SPATA13: variants seen among roughly 807,000 people sequenced by gnomAD.
SPATA13 encodes the protein spermatogenesis associated 13.
A neutral mutation model predicts 104.0 loss-of-function variants in SPATA13; 50 were observed. That is an observed-to-expected ratio of 0.48 (90% confidence interval 0.38 to 0.61). The LOEUF is 0.61. Ranked by LOEUF, SPATA13 falls within the 20% of genes least tolerant of loss-of-function variation. SPATA13 has a pLI of 0.00. For synonymous variants in SPATA13, 606 were observed against 667.5 expected, an observed-to-expected ratio of 0.91 and a Z score of 1.42; for missense variants, 1,524 against 1,690.6, an observed-to-expected ratio of 0.90 and a Z score of 1.73.
At chr13:24,263,474 T>C (rs1043345275) in intron 4 of SPATA13, among the ~76,000 whole-genome samples, 1 of 152,170 alleles carries the variant, frequency 6.6e-6, no homozygotes, top group Non-Finnish European at 1.5e-5. Context: ...CTGAGGGGGA[T>C]TGGTTCCAGG....
At position 24,277,313 on chromosome 13, in the gene SPATA13, G is replaced by A. The variant is rs544310847; in HGVS notation, c.2165-6822G>A. Among the ~76,000 whole-genome samples, 743 of 151,988 alleles carry A rather than the reference G, an allele frequency of 4.9e-3. 12 individuals are homozygous for A. The highest frequency in any genetic ancestry group is 0.017 in the African/African-American group (711 of 41,436). On this transcript the variant is annotated intron_variant, in intron 4 of 12. Coordinates refer to ENST00000382108, the MANE Select transcript of SPATA13 (RefSeq NM_001166271.3). ...CAAAAAATTAGCTGGGTGTGGTGGC[G>A]GGCGCCTGTAGTCCCAGCTACTCGG...
At chr13:24,221,122 G>A (rs1262013042) in intron 1 of SPATA13, among the ~76,000 whole-genome samples, 1 of 152,216 alleles carries the variant, frequency 6.6e-6, no homozygotes, top group Non-Finnish European at 1.5e-5. Context: ...GATGCCCATT[G>A]TGCTTCTCTG....
In SPATA13 at chr13:24,292,185, G is replaced by A. The variant is rs142552809; in HGVS notation, c.3080+1301G>A. Among the ~76,000 whole-genome samples the A allele has an allele frequency of 2.4e-4, 37 of 152,198 alleles. 1 individual carries two copies. The highest frequency in any genetic ancestry group is 4.4e-4 in the Non-Finnish European group (30 of 68,024). ...TTCCTTAATAGCCAACCATCATTTC[G>A]TGCATGCACAGAAGCCTTTGTGTGG... On this transcript the variant is annotated intron_variant, in intron 9 of 12. Coordinates refer to ENST00000382108, the MANE Select transcript of SPATA13 (RefSeq NM_001166271.3).
At chr13:24,036,660 C>T (rs565020634) in intron 3 of SPATA13, among the ~76,000 whole-genome samples, 2 of 152,268 alleles carry the variant, frequency 1.3e-5, no homozygotes, top group South Asian at 4.2e-4. Context: ...TTGTCTAAAA[C>T]TTCGCAATTC....
chr13:24,000,552 G>A (rs1413722034), intron 2 of SPATA13, among the ~76,000 whole-genome samples: 2 of 152,086 alleles, frequency 1.3e-5, no homozygotes, highest in African/African-American at 2.4e-5. Context: ...CCAAGCACAC[G>A]GCAACAACAT....
chr13:24,058,283 A>G (rs1243471540), intron 3 of SPATA13, among the ~76,000 whole-genome samples: 2 of 151,896 alleles, frequency 1.3e-5, no homozygotes, highest in Non-Finnish European at 2.9e-5. Context: ...GTATCAGATT[A>G]GATTAACAAT....
At chr13:24,238,640 C>T (rs1262212272) in intron 2 of SPATA13, among the ~76,000 whole-genome samples, 1 of 152,146 alleles carries the variant, frequency 6.6e-6, no homozygotes. Context: ...TAGGTCAGTG[C>T]CACAGGTAGG....
intron 1 of SPATA13, among the ~76,000 whole-genome samples, chr13:24,222,239 C>T (rs192794491): frequency 3.3e-5 from 5 of 152,198 alleles, no homozygotes; most frequent in African/African-American, 4.8e-5. Flanking sequence ...GAGTCCTTCC[C>T]GCCTGTGTCT....
At chr13:24,066,657 G>A (rs561618296) in intron 3 of SPATA13, among the ~76,000 whole-genome samples, 1 of 152,242 alleles carries the variant, frequency 6.6e-6, no homozygotes, top group Non-Finnish European at 1.5e-5. Context: ...GCCTTCATGG[G>A]CCAGGAGGGG....
intron 2 of SPATA13, among the ~76,000 whole-genome samples, chr13:23,986,509 C>G (rs1295207704): frequency 6.6e-6 from 1 of 152,168 alleles, no homozygotes; most frequent in Non-Finnish European, 1.5e-5. Context: ...TCTAAGAATC[C>G]CAAATGCCTC....
At chr13:24,224,637 T>C in intron 2 of SPATA13, 55 bp downstream of exon 2, 2 of 1,524,302 alleles carry the variant, frequency 1.3e-6, no homozygotes, top group Non-Finnish European at 1.8e-6. Flanking sequence ...GGAAGGGAGC[T>C]TGCACAGGTG....
chr13:24,275,968 A>T (rs59428885), intron 4 of SPATA13, among the ~76,000 whole-genome samples: 17,548 of 152,098 alleles, frequency 0.12, 1,799 homozygotes, highest in African/African-American at 0.27. Flanking sequence ...TTTCCACACC[A>T]ATTTTTTCAA....
At chr13:24,203,471 T>A (rs1870537471) in intron 1 of SPATA13, among the ~76,000 whole-genome samples, 1 of 152,200 alleles carries the variant, frequency 6.6e-6, no homozygotes, top group South Asian at 2.1e-4. Flanking sequence ...TTTTTGTGAC[T>A]GAAAGGGGAC....
chr13:24,273,456 AT>A (rs1249270127), intron 4 of SPATA13, among the ~76,000 whole-genome samples: 1 of 152,214 alleles, frequency 6.6e-6, no homozygotes, highest in Non-Finnish European at 1.5e-5. Context: ...TGTTTAAAAG[AT>A]TGAAAAATAC....
rs1201648258 is a variant in SPATA13 at position 24,304,961 on chromosome 13, CT to C, written c.*2192del. On this transcript the variant is annotated 3_prime_UTR_variant, in exon 13 of 13. Transcript: ENST00000382108. The stretch of plus-strand genomic sequence containing the variant: ...TATATGTTGGAAACTACTTAATATG[CT>C]TTTCCTGCACACCTTAGCAATAACT... 1 of 152,220 alleles carries C rather than the reference CT, an allele frequency of 6.6e-6. No homozygotes were observed. Among genetic ancestry groups the C allele is most frequent in the African/African-American group, 2.4e-5 (1 of 41,446 alleles). 9.4% of individuals were successfully genotyped at this position (152,220 alleles called of 1,614,324 possible). A position where few individuals can be genotyped will look rare whatever the true frequency, so the allele number is the denominator to read the frequency against.
At chr13:24,269,125 G>A (rs1313195279) in intron 4 of SPATA13, among the ~76,000 whole-genome samples, 1 of 152,088 alleles carries the variant, frequency 6.6e-6, no homozygotes, top group Non-Finnish European at 1.5e-5. Flanking sequence ...CCCCAATGAA[G>A]AGCCAGTGCT....
In SPATA13 at chr13:24,224,482, T is replaced by C. The variant is rs530958922; in HGVS notation, c.1553T>C (p.Leu518Ser). The change falls in exon 2 of 13, where the codon TTG becomes TCG. Residue 518 changes from leucine (L) to serine (S), a missense_variant. Coordinates refer to ENST00000382108, the MANE Select transcript of SPATA13 (RefSeq NM_001166271.3). The stretch of plus-strand genomic sequence containing the variant: ...CAGAGAGAGCCAGGGCCTGTGTCCT[T>C]GCAGGATCCCCTGGAAGCCACACAT... ...PAQREPGPVSLQDPLEATHGD... is the reference protein window; with the variant it reads ...PAQREPGPVSSQDPLEATHGD... The C allele has an allele frequency of 1.3e-6, 2 of 1,551,036 alleles. No homozygotes were observed. The highest frequency in any genetic ancestry group is 2.4e-5 in the South Asian group (2 of 84,060).
chr13:24,105,001 ATCT>A (rs1880391377), intron 3 of SPATA13, among the ~76,000 whole-genome samples: 1 of 152,140 alleles, frequency 6.6e-6, no homozygotes, highest in Admixed American at 6.5e-5. Flanking sequence ...GCTACTTGTC[ATCT>A]TCTCTTCTCA....
At chr13:24,075,272 A>G (rs1277568100) in intron 3 of SPATA13, among the ~76,000 whole-genome samples, 1 of 152,210 alleles carries the variant, frequency 6.6e-6, no homozygotes, top group Non-Finnish European at 1.5e-5. Flanking sequence ...TATCAGTTCT[A>G]TGAAAGCACA....
Sources: gnomAD v4.1 joint callset for allele counts (sites outside exome capture counted in the v4.1 genomes callset) on GRCh38, gnomAD v4.1.1 for gene constraint, MANE v1.5 for transcripts, NCBI Gene and HGNC (gene_info 2026-07-23, HGNC 2026-07-21) for gene names.